The following KMT2C variants were observed in gnomAD, a reference collection of about 807,000 sequenced individuals.
KMT2C encodes lysine methyltransferase 2C, also known as histone-lysine N-methyltransferase 2C.
KMT2C carries 88 observed loss-of-function variants against 507.9 expected under a neutral mutation model. That is an observed-to-expected ratio of 0.17 (90% CI 0.15 to 0.21). The LOEUF (loss-of-function observed/expected upper bound fraction) is 0.21. KMT2C is among the 10% of genes least tolerant of loss of function. The pLI is 1.00. For synonymous variants in KMT2C, 2,049 were observed against 2,080.8 expected (o/e 0.98, Z 0.42); for missense variants, 4,954 against 5,957.8 (o/e 0.83, Z 5.55).
chr7:152,221,883 T>A, intron 22 of KMT2C, 118 bp downstream of exon 22: 1 of 677,468 alleles, frequency 1.5e-6, no homozygotes, highest in South Asian at 1.9e-5. Flanking sequence ...TTACCAACAT[T>A]ACAGAATTTG....
At chr7:152,196,518 T>C (rs1266349796) in intron 27 of KMT2C, among the ~76,000 whole-genome samples, 2 of 152,216 alleles carry the variant, frequency 1.3e-5, no homozygotes, top group Non-Finnish European at 2.9e-5. Context: ...TACTCACTCA[T>C]TTATTTTAAA....
chr7:152,259,452 A>G (rs865901695), intron 9 of KMT2C, among the ~76,000 whole-genome samples: 3,410 of 122,412 alleles, frequency 0.028, 97 homozygotes, highest in African/African-American at 0.1. Context: ...ACGCGCACAC[A>G]CACACACACA....
chr7:152,187,676 T>G, intron 32 of KMT2C, 39 bp downstream of exon 32: 1 of 1,592,072 alleles, frequency 6.3e-7, no homozygotes, highest in Non-Finnish European at 8.5e-7. Flanking sequence ...AAACAGAAAT[T>G]AGTGCAATTT....
At chr7:152,154,474 G>A (rs879620695) in intron 46 of KMT2C, 29 bp from the exon 47 acceptor site, 1 of 1,602,218 alleles carries the variant, frequency 6.2e-7, no homozygotes, top group South Asian at 1.1e-5. Flanking sequence ...ACACATCAAA[G>A]TCTGCAAATC....
chr7:152,262,991 A>C (rs756554748), intron 9 of KMT2C, 25 bp downstream of exon 9: 1 of 1,558,638 alleles, frequency 6.4e-7, no homozygotes, highest in Admixed American at 1.8e-5. Context: ...GAGGATTTAA[A>C]AAAATAAATA....
At chr7:152,353,931 T>C (rs2097133034) in intron 2 of KMT2C, among the ~76,000 whole-genome samples, 1 of 152,178 alleles carries the variant, frequency 6.6e-6, no homozygotes, top group South Asian at 2.1e-4. Flanking sequence ...CAAACTTGAA[T>C]GTGCTTTTAA....
At chr7:152,345,395 T>C (rs752196084) in intron 2 of KMT2C, among the ~76,000 whole-genome samples, 1 of 152,134 alleles carries the variant, frequency 6.6e-6, no homozygotes, top group Non-Finnish European at 1.5e-5. Flanking sequence ...TGAAATATGA[T>C]GGCACCACTG....
rs1183350356 is a variant in KMT2C, at chr7:152,144,094, G to C, written c.14343+619C>G. ...TCACTCAGCAAGGAGCTTGTAGGATGGCGGGGTTTAGGAGCTGGACAAGTT... is the reference window on the plus strand; with the variant it reads ...TCACTCAGCAAGGAGCTTGTAGGATCGCGGGGTTTAGGAGCTGGACAAGTT... On this transcript the variant is annotated intron_variant, in intron 55 of 58. Coordinates refer to ENST00000262189, the MANE Select transcript of KMT2C (RefSeq NM_170606.3). The surrounding 1 kb of genome is among the most constrained non-coding windows in gnomAD (Gnocchi z 4.4). Among the ~76,000 whole-genome samples, 2 of 152,210 alleles carry C rather than the reference G, an allele frequency of 1.3e-5. No homozygotes were observed. Among genetic ancestry groups the C allele is most frequent in the Non-Finnish European group, 2.9e-5 (2 of 68,034 alleles).
chr7:152,387,760 C>G (rs564797742), intron 1 of KMT2C, among the ~76,000 whole-genome samples: 2 of 152,102 alleles, frequency 1.3e-5, no homozygotes, highest in African/African-American at 4.8e-5. Flanking sequence ...CGTGAGCCAC[C>G]GCGCCCGGCC....
chr7:152,267,386 G>T lies in KMT2C; in HGVS notation c.1013-2177C>A, dbSNP rs534371207. On this transcript the variant is annotated intron_variant, in intron 7 of 58. Transcript: ENST00000262189. Reference sequence around the variant, plus strand: ...CCGAAACATCATCCATTTTTCTCAAGAATAGATAAAGGCAGAAACCTTAGT... The same window carrying T: ...CCGAAACATCATCCATTTTTCTCAATAATAGATAAAGGCAGAAACCTTAGT... Among the ~76,000 whole-genome samples the T allele has an allele frequency of 6.6e-4, 100 of 152,228 alleles. 2 individuals carry two copies. In the South Asian group the frequency reaches 0.02, roughly 31 times the overall value.
At chr7:152,286,393 AAG>A (rs2096297752) in intron 6 of KMT2C, among the ~76,000 whole-genome samples, 1 of 147,414 alleles carries the variant, frequency 6.8e-6, no homozygotes, top group Non-Finnish European at 1.5e-5. Flanking sequence ...ACCAAAGATA[AAG>A]AGAAAATCCT....
At chr7:152,280,660 A>G (rs761389689) in intron 6 of KMT2C, among the ~76,000 whole-genome samples, 1 of 152,156 alleles carries the variant, frequency 6.6e-6, no homozygotes, top group Admixed American at 6.5e-5. Context: ...TAACACCTTG[A>G]TTTGAATCTT....
At chr7:152,158,770 C>A in intron 44 of KMT2C, 93 bp downstream of exon 44, 2 of 1,163,408 alleles carry the variant, frequency 1.7e-6, no homozygotes, top group Middle Eastern at 2.4e-4. Context: ...CTGCCTCAGC[C>A]TCCCAAAGTG....
intron 7 of KMT2C, among the ~76,000 whole-genome samples, chr7:152,267,519 A>C (rs1416379096): frequency 6.6e-5 from 10 of 152,280 alleles, no homozygotes; most frequent in South Asian, 4.1e-4. Context: ...TTTATAGTTT[A>C]GTCTATCATA....
chr7:152,303,699 T>C (rs2096591592), intron 6 of KMT2C, among the ~76,000 whole-genome samples: 1 of 152,108 alleles, frequency 6.6e-6, no homozygotes, highest in African/African-American at 2.4e-5. Context: ...ATAAAGGAGA[T>C]ATGCATGGCT....
At chr7:152,314,425 A>G (rs2096704041) in intron 4 of KMT2C, among the ~76,000 whole-genome samples, 1 of 152,158 alleles carries the variant, frequency 6.6e-6, no homozygotes, top group Non-Finnish European at 1.5e-5. Context: ...CCATATTAAT[A>G]TGGTCTTTAA....
chr7:152,385,040 C>A (rs2097410946), intron 1 of KMT2C, among the ~76,000 whole-genome samples: 1 of 151,926 alleles, frequency 6.6e-6, no homozygotes, highest in South Asian at 2.1e-4. Context: ...AAGAATGCAC[C>A]ACAATATAAG....
chr7:152,253,278 A>G (rs896711162), intron 9 of KMT2C, among the ~76,000 whole-genome samples: 3 of 152,114 alleles, frequency 2.0e-5, no homozygotes, highest in Non-Finnish European at 4.4e-5. Context: ...ATATAGGTGG[A>G]AGAGATAAAA....
At chr7:152,411,595 C>T (rs975699684) in intron 1 of KMT2C, among the ~76,000 whole-genome samples, 140 of 152,182 alleles carry the variant, frequency 9.2e-4, no homozygotes, top group Non-Finnish European at 1.6e-3. Context: ...AAAGCAGGCA[C>T]CTAAAAAAAG....
Sources: gnomAD v4.1 joint callset for allele counts (sites outside exome capture counted in the v4.1 genomes callset) on GRCh38, gnomAD v4.1.1 for gene constraint, Gnocchi (gnomAD v3.1) non-coding constraint, MANE v1.5 for transcripts, NCBI Gene and HGNC (gene_info 2026-07-23, HGNC 2026-07-21) for gene names.